Variants in ITGB1 observed in about 807,000 individuals in gnomAD.
ITGB1 encodes integrin beta-1.
ITGB1 carries 24 observed loss-of-function variants against 86.5 expected under a neutral mutation model. The ratio of observed to expected loss-of-function variants is 0.28; its 90% confidence interval spans 0.20 to 0.39. The LOEUF (loss-of-function observed/expected upper bound fraction) is 0.39. Ranked by LOEUF, ITGB1 falls within the 10% of genes least tolerant of loss-of-function variation. ITGB1 has a pLI of 1.00. For missense variants in ITGB1, 556 were observed against 946.9 expected, an observed-to-expected ratio of 0.59 and a Z score of 5.42; for synonymous variants, 323 against 316.8, an observed-to-expected ratio of 1.02 and a Z score of -0.21.
chr10:32,955,542 C>T (rs912941810), intron 1 of ITGB1: 1 of 152,210 alleles, frequency 6.6e-6, no homozygotes, highest in Admixed American at 6.5e-5. Flanking sequence ...GAACACTATA[C>T]TACTCACCGC....
chr10:32,931,480 G>A lies in ITGB1; in HGVS notation c.153+1035C>T, dbSNP rs955193633. ...TAATTATTGTAACAATAGATAAAGC[G>A]GATATTATCATCCTCATTTTCAGAT... is the stretch of plus-strand genomic sequence containing the variant. On this transcript the variant is annotated intron_variant, in intron 3 of 15. Transcript: ENST00000302278. Among the ~76,000 whole-genome samples, 12 of 152,090 alleles carry A rather than the reference G, an allele frequency of 7.9e-5. No individual in the cohort carries two copies. In the South Asian group the frequency reaches 8.3e-4, roughly 11 times the overall value.
At chr10:32,911,341 T>C (rs1199352538) in intron 13 of ITGB1, 107 bp downstream of exon 13, 1 of 931,220 alleles carries the variant, frequency 1.1e-6, no homozygotes, top group Non-Finnish European at 1.7e-6. Context: ...AGGCATTTTA[T>C]TTACAGTATA....
intron 9 of ITGB1, 77 bp downstream of exon 9, chr10:32,922,179 AG>A (rs2094952239): frequency 3.4e-6 from 3 of 889,240 alleles, no homozygotes; most frequent in Non-Finnish European, 5.2e-6. Flanking sequence ...GTGTGTATGA[AG>A]GAAGTTTTAC....
intron 11 of ITGB1, 33 bp from the exon 12 acceptor site, chr10:32,912,157 AAAC>A: frequency 6.4e-7 from 1 of 1,569,578 alleles, no homozygotes; most frequent in East Asian, 2.2e-5. Context: ...CAATCACACA[AAAC>A]AAAAATAATT....
rs2094881948 is a variant in ITGB1 at position 32,901,556 on chromosome 10, T to G, written c.*14A>C. ...ACTTTGCATTCAGTGTTGTGGGATT[T>G]GCACGGGCAGTACTCATTTTCCCTC... On this transcript the variant is annotated 3_prime_UTR_variant, in exon 16 of 16. Coordinates refer to ENST00000302278, the MANE Select transcript of ITGB1 (RefSeq NM_002211.4). 6.6e-7 allele frequency: 1 copy of G among 1,522,516 alleles called. No homozygotes were observed. The highest frequency in any genetic ancestry group is 1.2e-5 in the South Asian group (1 of 86,206). The allele number at this position is 1,522,516 out of a possible 1,614,324, so 94.3% of individuals were successfully genotyped here. A position where few individuals can be genotyped will look rare whatever the true frequency, so the allele number is the denominator to read the frequency against.
intron 1 of ITGB1, among the ~76,000 whole-genome samples, chr10:32,949,654 A>T (rs905988916): frequency 6.6e-6 from 1 of 152,140 alleles, no homozygotes; most frequent in Non-Finnish European, 1.5e-5. Flanking sequence ...ACCACCCACA[A>T]ATAATCTCAT....
intron 2 of ITGB1, 52 bp downstream of exon 2, chr10:32,935,434 AAAGCGC>A: frequency 6.5e-6 from 7 of 1,070,082 alleles, no homozygotes; most frequent in Non-Finnish European, 8.7e-6. Context: ...CTAACTGGTC[AAAGCGC>A]AATACAAGAT....
chr10:32,943,532 G>A (rs2095024035), intron 1 of ITGB1, among the ~76,000 whole-genome samples: 1 of 151,968 alleles, frequency 6.6e-6, no homozygotes, highest in Non-Finnish European at 1.5e-5. Flanking sequence ...GTTAACAAGA[G>A]GAAAAAGTCA....
intron 11 of ITGB1, among the ~76,000 whole-genome samples, chr10:32,914,061 A>T (rs2094923531): frequency 6.6e-6 from 1 of 152,224 alleles, no homozygotes; most frequent in Admixed American, 6.5e-5. Context: ...ATATTAAGCC[A>T]AACTAAGCTT....
At chr10:32,919,377 T>C (rs553973415) in intron 11 of ITGB1, among the ~76,000 whole-genome samples, 1 of 152,374 alleles carries the variant, frequency 6.6e-6, no homozygotes, top group African/African-American at 2.4e-5. Context: ...TTCTACATAC[T>C]GAAAATACCA....
chr10:32,942,021 AG>A (rs2095019419), intron 1 of ITGB1, among the ~76,000 whole-genome samples: 1 of 152,216 alleles, frequency 6.6e-6, no homozygotes, highest in African/African-American at 2.4e-5. Flanking sequence ...GTCATAATCT[AG>A]GTGCTAACCG....
intron 1 of ITGB1, among the ~76,000 whole-genome samples, chr10:32,947,108 G>A (rs112297340): frequency 6.6e-6 from 1 of 152,048 alleles, no homozygotes; most frequent in Non-Finnish European, 1.5e-5. Context: ...CTCCCAAAGT[G>A]GTGGGATTAC....
chr10:32,931,723 C>A (rs1186021494), intron 3 of ITGB1, among the ~76,000 whole-genome samples: 1 of 152,124 alleles, frequency 6.6e-6, no homozygotes, highest in Admixed American at 6.6e-5. Flanking sequence ...CAAAAATAGG[C>A]ACTTGAAACT....
At chr10:32,913,467 A>T (rs1444755108) in intron 11 of ITGB1, among the ~76,000 whole-genome samples, 1 of 152,232 alleles carries the variant, frequency 6.6e-6, no homozygotes, top group Non-Finnish European at 1.5e-5. Flanking sequence ...CGTAGAGAAG[A>T]CCTTAAATGA....
intron 1 of ITGB1, among the ~76,000 whole-genome samples, chr10:32,956,317 G>A (rs1342578615): frequency 6.6e-6 from 1 of 151,634 alleles, no homozygotes; most frequent in Admixed American, 6.6e-5. Flanking sequence ...ATAACCTATC[G>A]TAAAGGACGT....
rs564839119 is a variant in ITGB1 at position 32,953,999 on chromosome 10, C to G, written c.-1+4146G>C. On this transcript the variant is annotated intron_variant, in intron 1 of 15. Coordinates refer to ENST00000302278, the MANE Select transcript of ITGB1 (RefSeq NM_002211.4). ...TCTAGATTCCTCTTCCTCCACCCCC[C>G]CTTGACTATTAAAAGTGTTCCCAGG... Among the ~76,000 whole-genome samples, 3 of 152,254 alleles carry G rather than the reference C, an allele frequency of 2.0e-5. No individual in the cohort carries two copies. In the South Asian group the frequency reaches 6.2e-4, roughly 32 times the overall value.
At chr10:32,916,968 A>G (rs1410385943) in intron 11 of ITGB1, among the ~76,000 whole-genome samples, 2 of 152,252 alleles carry the variant, frequency 1.3e-5, no homozygotes, top group African/African-American at 2.4e-5. Context: ...TAACCAAAAC[A>G]GCATGGTACT....
At position 32,935,507 on chromosome 10, in the gene ITGB1, C is replaced by T; in HGVS notation, c.52G>A (p.Val18Met). The T allele has an allele frequency of 2.5e-6, 4 of 1,613,210 alleles. No homozygotes were observed. Among genetic ancestry groups the T allele is most frequent in the Non-Finnish European group, 3.4e-6 (4 of 1,179,328 alleles). Reference sequence around the variant, plus strand: ...TTGTTTTTACCTGTTTGAGCAAACACACAGCAAACTGAACTGATCAGTCCA... The same window carrying T: ...TTGTTTTTACCTGTTTGAGCAAACATACAGCAAACTGAACTGATCAGTCCA... ...WIGLISSVCCVFAQTDENRCL... is the reference protein window; with the variant it reads ...WIGLISSVCCMFAQTDENRCL... The change falls in exon 2 of 16, where the codon GTG (valine) becomes ATG (methionine). Residue 18 changes from valine to methionine, a missense_variant. Coordinates refer to ENST00000302278, the MANE Select transcript of ITGB1 (RefSeq NM_002211.4).
At chr10:32,908,730 T>C (rs1472850393) in intron 14 of ITGB1, among the ~76,000 whole-genome samples, 196 bp from the exon 15 acceptor site, 5 of 151,722 alleles carry the variant, frequency 3.3e-5, no homozygotes, top group African/African-American at 1.2e-4. Flanking sequence ...TATTTTTCTA[T>C]ATATATAATT....
Sources: allele counts gnomAD v4.1 joint callset (sites outside exome capture counted in the v4.1 genomes callset), GRCh38; gene constraint gnomAD v4.1.1; transcripts MANE v1.5; gene names NCBI Gene and HGNC (gene_info 2026-07-23, HGNC 2026-07-21).